Variants in SYT1 observed in about 807,000 individuals in gnomAD.
The protein encoded by SYT1 is synaptotagmin 1, also known as synaptotagmin-1.
Under a neutral mutation model 44.8 loss-of-function variants are expected in SYT1, and 8 were observed. The observed-to-expected ratio is 0.18, with a 90% CI of 0.10 to 0.32. The LOEUF (loss-of-function observed/expected upper bound fraction) is 0.32, where lower values mean the gene tolerates loss of function less well. Ranked by LOEUF, SYT1 falls within the 10% of genes least tolerant of loss-of-function variation. The pLI, the probability that SYT1 is intolerant of heterozygous loss-of-function variation, is 1.00. For synonymous variants in SYT1, 154 were observed against 188.8 expected (o/e 0.82, Z 1.51); for missense variants, 286 against 509.3 (o/e 0.56, Z 4.22).
chr12:79,181,781 A>G (rs1199905640), intron 3 of SYT1, among the ~76,000 whole-genome samples: 1 of 152,044 alleles, frequency 6.6e-6, no homozygotes, highest in Non-Finnish European at 1.5e-5. Context: ...CTTCTCTTTC[A>G]GTTGATAACC....
intron 3 of SYT1, among the ~76,000 whole-genome samples, chr12:79,125,643 A>G (rs1172405078): frequency 2.0e-4 from 31 of 151,420 alleles, no homozygotes; most frequent in Admixed American, 2.0e-3. Flanking sequence ...AAAAGAAAAA[A>G]AAAGAAAAGA....
chr12:79,255,704 G>A (rs1002320101), intron 4 of SYT1, among the ~76,000 whole-genome samples: 3 of 152,158 alleles, frequency 2.0e-5, no homozygotes, highest in Non-Finnish European at 4.4e-5. Flanking sequence ...AAGAGTAATG[G>A]CCTTCTACAA....
intron 8 of SYT1, among the ~76,000 whole-genome samples, chr12:79,344,211 C>A (rs902561836): frequency 6.6e-6 from 1 of 152,178 alleles, no homozygotes; most frequent in African/African-American, 2.4e-5. Flanking sequence ...AAATTGCTAT[C>A]CTTATTCCCC....
intron 2 of SYT1, among the ~76,000 whole-genome samples, chr12:79,011,530 A>G (rs1159082479): frequency 6.6e-6 from 1 of 152,088 alleles, no homozygotes; most frequent in Non-Finnish European, 1.5e-5. Flanking sequence ...CCTGACCTCT[A>G]AGAACTTACA....
intron 3 of SYT1, among the ~76,000 whole-genome samples, chr12:79,059,565 AT>A (rs1163470789): frequency 6.6e-6 from 1 of 152,056 alleles, no homozygotes; most frequent in African/African-American, 2.4e-5. Flanking sequence ...TCAATTTTCA[AT>A]TTTTTTATCA....
chr12:78,987,438 G>A (rs886719384), intron 2 of SYT1, among the ~76,000 whole-genome samples: 13 of 151,918 alleles, frequency 8.6e-5, no homozygotes, highest in South Asian at 2.1e-4. Flanking sequence ...TTTTCAAGAT[G>A]TGGGGGAAAA....
intron 6 of SYT1, among the ~76,000 whole-genome samples, chr12:79,292,504 TA>T (rs1361931577): frequency 4.6e-5 from 7 of 152,230 alleles, no homozygotes; most frequent in Non-Finnish European, 5.9e-5. Context: ...TAGACAGGGC[TA>T]GGGGCCTTTT....
intron 1 of SYT1, among the ~76,000 whole-genome samples, chr12:78,869,668 T>C (rs537981833): frequency 6.6e-6 from 1 of 152,094 alleles, no homozygotes; most frequent in East Asian, 1.9e-4. Flanking sequence ...TACATTAAAG[T>C]AAAATAACAC....
intron 9 of SYT1, among the ~76,000 whole-genome samples, chr12:79,384,792 A>G (rs535733699): frequency 1.3e-5 from 2 of 152,128 alleles, no homozygotes; most frequent in East Asian, 3.9e-4. Context: ...ATGTGAAAAA[A>G]CGTCATCACT....
intron 8 of SYT1, among the ~76,000 whole-genome samples, chr12:79,308,598 G>GA (rs1880567828): frequency 2.4e-5 from 2 of 83,918 alleles, no homozygotes; most frequent in Non-Finnish European, 4.7e-5. Flanking sequence ...AAAGAAGAAA[G>GA]AAAGAAAGAA....
At chr12:79,326,841 G>C (rs1436724314) in intron 8 of SYT1, among the ~76,000 whole-genome samples, 1 of 152,150 alleles carries the variant, frequency 6.6e-6, no homozygotes, top group Non-Finnish European at 1.5e-5. Context: ...TAAATATGCT[G>C]TCTGTAAACA....
At chr12:79,385,592 G>A (rs534487321) in intron 9 of SYT1, among the ~76,000 whole-genome samples, 1 of 152,046 alleles carries the variant, frequency 6.6e-6, no homozygotes, top group Admixed American at 6.6e-5. Flanking sequence ...AATTCAAGAT[G>A]GTATCAGAGC....
chr12:79,421,457 TCA>T (rs1284058748), intron 9 of SYT1, among the ~76,000 whole-genome samples: 1 of 152,076 alleles, frequency 6.6e-6, no homozygotes, highest in Non-Finnish European at 1.5e-5. Flanking sequence ...AGTTCAAAGG[TCA>T]CACTTTGGAA....
chr12:79,247,054 G>T (rs1355873468), intron 4 of SYT1, among the ~76,000 whole-genome samples: 1 of 152,096 alleles, frequency 6.6e-6, no homozygotes, highest in Admixed American at 6.5e-5. Flanking sequence ...AAAGGATAAA[G>T]GTTTTTTTAA....
chr12:78,999,622 C>G (rs1384507969), intron 2 of SYT1, among the ~76,000 whole-genome samples: 3 of 152,092 alleles, frequency 2.0e-5, no homozygotes, highest in African/African-American at 4.8e-5. Flanking sequence ...TAATCACACT[C>G]TCAATATTTG....
At chr12:79,252,437 G>A (rs755091719) in intron 4 of SYT1, among the ~76,000 whole-genome samples, 6 of 152,014 alleles carry the variant, frequency 3.9e-5, no homozygotes, top group African/African-American at 7.2e-5. Flanking sequence ...TTCTGACTGC[G>A]CCTGCTTAGG....
intron 9 of SYT1, among the ~76,000 whole-genome samples, chr12:79,407,309 A>G (rs763487598): frequency 1.3e-5 from 2 of 152,098 alleles, no homozygotes; most frequent in Non-Finnish European, 2.9e-5. Flanking sequence ...AAATAGACTC[A>G]TAAGAGTAGT....
intron 1 of SYT1, among the ~76,000 whole-genome samples, chr12:78,954,615 G>A (rs948946701): frequency 1.3e-5 from 2 of 151,884 alleles, no homozygotes; most frequent in African/African-American, 4.8e-5. Flanking sequence ...AGTTTGTTGT[G>A]CATATGATAT....
At chr12:79,254,286 G>A (rs1273256675) in intron 4 of SYT1, among the ~76,000 whole-genome samples, 1 of 152,198 alleles carries the variant, frequency 6.6e-6, no homozygotes, top group Non-Finnish European at 1.5e-5. Flanking sequence ...TAAGAATGAT[G>A]ACACAGCTAC....
Sources: allele counts gnomAD v4.1 joint callset (sites outside exome capture counted in the v4.1 genomes callset), GRCh38; gene constraint gnomAD v4.1.1; transcripts MANE v1.5; gene names NCBI Gene and HGNC (gene_info 2026-07-23, HGNC 2026-07-21).